The following HEG1 variants were observed in gnomAD, a reference collection of about 807,000 sequenced individuals.
HEG1 encodes the protein heart development protein with EGF like domains 1, also known as protein HEG homolog 1.
Under a neutral mutation model 125.6 loss-of-function variants are expected in HEG1, and 56 were observed. That is an observed-to-expected ratio of 0.45 (90% CI 0.36 to 0.56). HEG1 has a LOEUF of 0.56. Ranked by LOEUF, HEG1 falls within the 20% of genes least tolerant of loss-of-function variation. The pLI, the probability that HEG1 is intolerant of heterozygous loss-of-function variation, is 0.00. For synonymous variants in HEG1, 644 were observed against 668.5 expected (o/e 0.96, Z 0.57); for missense variants, 1,523 against 1,670.0 (o/e 0.91, Z 1.53).
At chr3:125,040,300 G>C (rs1255903735) in intron 1 of HEG1, among the ~76,000 whole-genome samples, 3 of 152,154 alleles carry the variant, frequency 2.0e-5, no homozygotes, top group Non-Finnish European at 1.5e-5. Flanking sequence ...TGAATGTAGA[G>C]ACAGGAGAAG....
At position 125,013,788 on chromosome 3, in the gene HEG1, C is replaced by T. The variant is rs1472222643; in HGVS notation, c.1791G>A (p.Glu597=). 1 of 1,613,862 alleles carries T rather than the reference C, an allele frequency of 6.2e-7. No homozygotes were observed. Among genetic ancestry groups the T allele is most frequent in the Non-Finnish European group, 8.5e-7 (1 of 1,179,770 alleles). The change falls in exon 6 of 17, where the codon GAG becomes GAA. Residue 597 remains glutamate, a synonymous_variant. Transcript: ENST00000311127. ...TCTGAGCATGAAAAAAGGAGGAATA[C>T]TCTGAATGTGAAGAGTTTGAGATTT... ...YIKISNSSHS[E]YSSFFHAQTE... is the part of the protein sequence containing the mutation.
intron 1 of HEG1, among the ~76,000 whole-genome samples, chr3:125,034,519 T>C (rs1387324422): frequency 6.6e-6 from 1 of 152,218 alleles, no homozygotes; most frequent in African/African-American, 2.4e-5. Context: ...TATAATTCAC[T>C]AGGCATGGTG....
In HEG1 at chr3:125,013,069, T is replaced by G. The variant is rs1579417071; in HGVS notation, c.2510A>C (p.Gln837Pro). Residue 837 changes from glutamine (Q) to proline (P), a missense_variant, in exon 6 of 17, where the codon CAA becomes CCA. Gln to Pro is a moderately conservative substitution (Grantham distance 76). Transcript: ENST00000311127. ...GGTAGTTGTGAAAGTTGGAGACATT[T>G]GTGCTAAGTTGGTGCTTGTGGCTGG... ...TLPATSTNLA[Q>P]MSPTFTTTIL... The G allele has an allele frequency of 6.2e-7, 1 of 1,614,018 alleles. No homozygotes were observed. Among genetic ancestry groups the G allele is most frequent in the Non-Finnish European group, 8.5e-7 (1 of 1,179,880 alleles).
chr3:125,013,449 T>G lies in HEG1; in HGVS notation c.2130A>C (p.Thr710=). 6.2e-7 allele frequency: 1 copy of G among 1,613,838 alleles called. No homozygotes were observed. Among genetic ancestry groups the G allele is most frequent in the South Asian group, 1.1e-5 (1 of 91,068 alleles). ...AAGGTGATGGTGAGGAAGACCATGGTGTGGATGCATCAGAGGTAGACTTTA... is the reference window on the plus strand; with the variant it reads ...AAGGTGATGGTGAGGAAGACCATGGGGTGGATGCATCAGAGGTAGACTTTA... The part of the protein sequence containing the change: ...HLLKSTSDAS[T]PWSSSPSPLP... Residue 710 remains threonine (T), a synonymous_variant, in exon 6 of 17, where the codon ACA becomes ACC. Transcript: ENST00000311127.
chr3:124,973,733 A>C lies in HEG1; in HGVS notation c.3994T>G (p.Ser1332Ala). ...CATCCTGACACAGGAATACACACCGAGTAGTACACATCCGTCATCTGGAGG... is the reference window on the plus strand; with the variant it reads ...CATCCTGACACAGGAATACACACCGCGTAGTACACATCCGTCATCTGGAGG... ...NLLQMTDVYY[S>A]PTSVRNPELE... Residue 1332 changes from serine to alanine, a missense_variant and splice_region_variant, in exon 16 of 17, where the codon TCG (serine) becomes GCG (alanine). By Grantham distance (99) the Ser-to-Ala change is moderately conservative. Transcript: ENST00000311127. The C allele has an allele frequency of 6.2e-7, 1 of 1,613,236 alleles. No homozygotes were observed.
intron 14 of HEG1, among the ~76,000 whole-genome samples, chr3:124,986,782 T>C (rs1374057150): frequency 6.6e-6 from 1 of 152,202 alleles, no homozygotes; most frequent in South Asian, 2.1e-4. Context: ...GAGAGAAATC[T>C]TGGCTACTTC....
In HEG1 at chr3:124,967,555, C is replaced by G. The variant is rs1936339343; in HGVS notation, c.*3097G>C. Reference sequence around the variant, plus strand: ...AAAAAAATAACTTATCTTTAAAGCCCTTTCTCTCTTGCCCTCTTTGATATT... The same window carrying G: ...AAAAAAATAACTTATCTTTAAAGCCGTTTCTCTCTTGCCCTCTTTGATATT... On this transcript the variant is annotated 3_prime_UTR_variant, in exon 17 of 17. Coordinates refer to ENST00000311127, the MANE Select transcript of HEG1 (RefSeq NM_020733.2). 1 of 150,936 alleles carries G rather than the reference C, an allele frequency of 6.6e-6. No homozygotes were observed. The allele number at this position is 150,936 out of a possible 1,614,324, so 9.3% of individuals were successfully genotyped here. A position where few individuals can be genotyped will look rare whatever the true frequency, so the allele number is the denominator to read the frequency against.
chr3:125,055,389 A>G (rs1224568065), intron 1 of HEG1, among the ~76,000 whole-genome samples, 186 bp downstream of exon 1: 3 of 152,126 alleles, frequency 2.0e-5, no homozygotes, highest in Non-Finnish European at 4.4e-5. Flanking sequence ...CACACCCCTC[A>G]GTCCAGCCAA....
chr3:124,985,469 A>T lies in HEG1; in HGVS notation c.3733+5318T>A, dbSNP rs188652042. ...GTTTAGCAATTATGAAACTGTGAGG[A>T]GGAACCAACGTAAACTTCCAGCAAC... On this transcript the variant is annotated intron_variant, in intron 14 of 16. Transcript: ENST00000311127. Among the ~76,000 whole-genome samples the T allele has an allele frequency of 5.3e-5, 8 of 152,354 alleles. No homozygotes were observed. In the East Asian group the frequency reaches 1.5e-3, roughly 29 times the overall value.
chr3:125,038,456 A>T (rs1006800085), intron 1 of HEG1, among the ~76,000 whole-genome samples: 2 of 152,212 alleles, frequency 1.3e-5, no homozygotes, highest in African/African-American at 4.8e-5. Context: ...TTCCTTGGAA[A>T]GGGATTAATA....
chr3:125,014,796 G>A, intron 5 of HEG1: 1 of 1,289,866 alleles, frequency 7.8e-7, no homozygotes, highest in Non-Finnish European at 1.0e-6. Context: ...GGCACCCTCT[G>A]TTTCTTGGTG....
Position 124,966,735 on chromosome 3 carries a change from G to A in HEG1, c.*3917C>T, listed in dbSNP as rs1936321219. 6.6e-6 allele frequency: 1 copy of A among 152,212 alleles called. No individual in the cohort carries two copies. The highest frequency in any genetic ancestry group is 1.5e-5 in the Non-Finnish European group (1 of 68,040). 9.4% of individuals were successfully genotyped at this position (152,212 alleles called of 1,614,324 possible). ...CTATGGGTCAAAACCCTGTGTGTTAGGCTAAACTTAGCCAAGGGCAACTGG... is the reference window on the plus strand; with the variant it reads ...CTATGGGTCAAAACCCTGTGTGTTAAGCTAAACTTAGCCAAGGGCAACTGG... On this transcript the variant is annotated 3_prime_UTR_variant, in exon 17 of 17. Transcript: ENST00000311127.
chr3:125,033,961 C>T lies in HEG1; in HGVS notation c.317-4473G>A, dbSNP rs149935440. On this transcript the variant is annotated intron_variant, in intron 1 of 16. Transcript: ENST00000311127. ...GAAGAGTTTCATCCCAACCCCCGGC[C>T]CACCCCACCCCGCCCTATCCGTGGA... Among the ~76,000 whole-genome samples, 308 of 144,256 alleles carry T rather than the reference C, an allele frequency of 2.1e-3. 2 individuals carry two copies. Among genetic ancestry groups the T allele is most frequent in the African/African-American group, 7.4e-3 (299 of 40,208 alleles). 94.6% of individuals were successfully genotyped at this position (144,256 alleles called of 152,430 possible). A position where few individuals can be genotyped will look rare whatever the true frequency, so the allele number is the denominator to read the frequency against.
At position 125,027,481 on chromosome 3, in the gene HEG1, T is replaced by C. The variant is rs2107706678; in HGVS notation, c.637A>G (p.Ser213Gly). Reference sequence around the variant, plus strand: ...ATTCTTTCATCGAACTCTGAACTGCTGGATGGCAGGTGAAGACTTTCTGAG... The same window carrying C: ...ATTCTTTCATCGAACTCTGAACTGCCGGATGGCAGGTGAAGACTTTCTGAG... ...LASESLHLPS[S>G]SSEFDERIAA... is the part of the protein sequence containing the mutation. The change falls in exon 3 of 17, where the codon AGC becomes GGC. Residue 213 changes from serine to glycine, a missense_variant. Coordinates refer to ENST00000311127, the MANE Select transcript of HEG1 (RefSeq NM_020733.2). 1 of 1,610,684 alleles carries C rather than the reference T, an allele frequency of 6.2e-7. No individual in the cohort carries two copies. Among genetic ancestry groups the C allele is most frequent in the Non-Finnish European group, 8.5e-7 (1 of 1,178,400 alleles).
intron 3 of HEG1, among the ~76,000 whole-genome samples, chr3:125,025,777 C>T (rs1344665261): frequency 1.3e-5 from 2 of 152,162 alleles, no homozygotes; most frequent in Non-Finnish European, 2.9e-5. Context: ...AACTTTGAGG[C>T]TGGAAGAATT....
chr3:124,998,632 C>T (rs1936958866), intron 11 of HEG1, among the ~76,000 whole-genome samples: 1 of 152,164 alleles, frequency 6.6e-6, no homozygotes, highest in African/African-American at 2.4e-5. Flanking sequence ...ACTTTAGGGC[C>T]TTATTCATCT....
At chr3:124,987,720 C>T (rs1936761222) in intron 14 of HEG1, among the ~76,000 whole-genome samples, 1 of 150,888 alleles carries the variant, frequency 6.6e-6, no homozygotes, top group Non-Finnish European at 1.5e-5. Flanking sequence ...CAGGGTTTCA[C>T]CGTGTTAGCC....
In HEG1 at chr3:124,973,758, G is replaced by A. The variant is rs746696908; in HGVS notation, c.3969C>T (p.Leu1323=). ...EMHENGSTKN[L]LQMTDVYYSP... Reference sequence around the variant, plus strand: ...AGTAGTACACATCCGTCATCTGGAGGAGGTTTTTGGTACTTCCATTCTCAT... The same window carrying A: ...AGTAGTACACATCCGTCATCTGGAGAAGGTTTTTGGTACTTCCATTCTCAT... The change falls in exon 16 of 17, where the codon CTC becomes CTT. Residue 1323 remains leucine (L), a synonymous_variant. Transcript: ENST00000311127. The A allele has an allele frequency of 1.5e-5, 24 of 1,613,766 alleles. No individual in the cohort carries two copies. Among genetic ancestry groups the A allele is most frequent in the Admixed American group, 3.3e-5 (2 of 59,992 alleles).
At position 125,015,896 on chromosome 3, in the gene HEG1, C is replaced by G. The variant is rs187043450; in HGVS notation, c.1589-1906G>C. Among the ~76,000 whole-genome samples, 32 of 152,252 alleles carry G rather than the reference C, an allele frequency of 2.1e-4. No homozygotes were observed. The East Asian group carries it at 5.8e-3, about 28-fold the overall frequency. On this transcript the variant is annotated intron_variant, in intron 5 of 16. Transcript: ENST00000311127. ...GCCATGGCCATGCTTTGATGGAAAA[C>G]AGTGTAAAGCTGAGTGTTGGCTAAA...
Sources: gnomAD v4.1 joint callset for allele counts (sites outside exome capture counted in the v4.1 genomes callset) on GRCh38, gnomAD v4.1.1 for gene constraint, MANE v1.5 for transcripts, NCBI Gene and HGNC (gene_info 2026-07-23, HGNC 2026-07-21) for gene names.